Variants in NLGN1 observed in about 807,000 individuals in gnomAD.
NLGN1 encodes neuroligin 1, also known as neuroligin-1.
A neutral mutation model predicts 65.5 loss-of-function variants in NLGN1; 12 were observed. That is an observed-to-expected ratio of 0.18 (90% CI 0.12 to 0.30). The LOEUF is 0.30. NLGN1 is among the 10% of genes least tolerant of loss of function. The probability of loss-of-function intolerance (pLI) is 1.00; values close to 1 mark genes in which losing one functional copy is unlikely to be tolerated. For synonymous variants in NLGN1, 350 were observed against 359.5 expected (o/e 0.97, Z 0.30); for missense variants, 750 against 1,007.1 (o/e 0.74, Z 3.46).
intron 3 of NLGN1, among the ~76,000 whole-genome samples, chr3:173,745,467 C>CTT (rs138024712): frequency 6.6e-6 from 1 of 151,524 alleles, no homozygotes; most frequent in African/African-American, 2.4e-5. Context: ...ACATCTAAAG[C>CTT]TTTTTTTTAC....
intron 2 of NLGN1, among the ~76,000 whole-genome samples, chr3:173,527,786 G>T (rs910781115): frequency 6.6e-6 from 1 of 152,114 alleles, no homozygotes; most frequent in Non-Finnish European, 1.5e-5. Context: ...TGTTACATGG[G>T]TAGTTTCCTT....
At chr3:173,594,950 G>T (rs1749201395) in intron 2 of NLGN1, among the ~76,000 whole-genome samples, 2 of 152,116 alleles carry the variant, frequency 1.3e-5, no homozygotes, top group South Asian at 4.1e-4. Context: ...TCTGTAGATT[G>T]CACACAGCAC....
At chr3:173,408,162 ACT>A (rs1455271142) in intron 1 of NLGN1, among the ~76,000 whole-genome samples, 11 of 152,024 alleles carry the variant, frequency 7.2e-5, no homozygotes, top group Non-Finnish European at 1.2e-4. Context: ...TAGCCCAAGC[ACT>A]CTTTCCATAA....
At chr3:173,658,290 C>T (rs764259867) in intron 3 of NLGN1, among the ~76,000 whole-genome samples, 11 of 151,882 alleles carry the variant, frequency 7.2e-5, no homozygotes, top group Admixed American at 1.3e-4. Flanking sequence ...GCTGTCATAA[C>T]CTAAATTACT....
At chr3:173,714,505 AC>A (rs1283102969) in intron 3 of NLGN1, among the ~76,000 whole-genome samples, 1 of 152,170 alleles carries the variant, frequency 6.6e-6, no homozygotes, top group Non-Finnish European at 1.5e-5. Context: ...ATTGAAGAAG[AC>A]CTAAAGAGTG....
At chr3:173,904,572 A>G (rs1449565152) in intron 4 of NLGN1, among the ~76,000 whole-genome samples, 1 of 151,648 alleles carries the variant, frequency 6.6e-6, no homozygotes, top group Non-Finnish European at 1.5e-5. Context: ...AGGCCTATTG[A>G]ATGTTCCCAT....
At chr3:173,539,387 TA>T (rs1179167804) in intron 2 of NLGN1, among the ~76,000 whole-genome samples, 13 of 138,490 alleles carry the variant, frequency 9.4e-5, no homozygotes, top group African/African-American at 1.5e-4. Context: ...TGTATATATA[TA>T]AAAAACATAT....
intron 1 of NLGN1, among the ~76,000 whole-genome samples, chr3:173,412,311 GAC>G (rs71162345): frequency 0.07 from 10,298 of 147,362 alleles, 769 homozygotes; most frequent in African/African-American, 0.19. Context: ...CTCTCACTCT[GAC>G]ACACACACAC....
At position 173,593,997 on chromosome 3, in the gene NLGN1, G is replaced by A. The variant is rs971581784; in HGVS notation, c.-320-10282G>A. 5.3e-5 allele frequency among the ~76,000 whole-genome samples: 8 copies of A among 152,192 alleles called. No individual in the cohort carries two copies. The South Asian group carries it at 6.2e-4, about 12-fold the overall frequency. On this transcript the variant is annotated intron_variant, in intron 2 of 6. Coordinates refer to ENST00000457714, the Ensembl canonical transcript of NLGN1. ...AAATTATCTCCCACTGGGTCCCCCC[G>A]ACAACACGTGGGAATTATGAGAGTA...
At chr3:174,235,045 A>G (rs1286745476) in intron 4 of NLGN1, among the ~76,000 whole-genome samples, 2 of 90,426 alleles carry the variant, frequency 2.2e-5, no homozygotes, top group Admixed American at 3.2e-4. Flanking sequence ...TTCTAGTGAC[A>G]GCCAGTTTTT....
intron 4 of NLGN1, among the ~76,000 whole-genome samples, chr3:173,956,977 T>C (rs1712225230): frequency 6.6e-6 from 1 of 151,984 alleles, no homozygotes; most frequent in African/African-American, 2.4e-5. Flanking sequence ...TAAAAATGAG[T>C]TAATAACATT....
At chr3:173,993,985 G>A (rs1006782760) in intron 4 of NLGN1, among the ~76,000 whole-genome samples, 8 of 151,912 alleles carry the variant, frequency 5.3e-5, no homozygotes, top group South Asian at 2.1e-4. Flanking sequence ...ATTCTTTGTC[G>A]TCTCATATTA....
chr3:174,141,262 C>A (rs73880363), intron 4 of NLGN1, among the ~76,000 whole-genome samples: 4 of 152,002 alleles, frequency 2.6e-5, no homozygotes, highest in Admixed American at 2.6e-4. Flanking sequence ...GGATTATATC[C>A]TTCAGGAAAT....
chr3:173,599,032 C>CA (rs1750002484), intron 2 of NLGN1, among the ~76,000 whole-genome samples: 1 of 152,116 alleles, frequency 6.6e-6, no homozygotes, highest in Admixed American at 6.6e-5. Context: ...CTTCTGTGAC[C>CA]AACAGTGTTT....
At chr3:173,680,860 T>C (rs1017364671) in intron 3 of NLGN1, among the ~76,000 whole-genome samples, 1 of 152,164 alleles carries the variant, frequency 6.6e-6, no homozygotes, top group Non-Finnish European at 1.5e-5. Flanking sequence ...AAATGTACCC[T>C]TTCTGGCTCC....
At chr3:173,870,863 G>T (rs771467674) in intron 4 of NLGN1, among the ~76,000 whole-genome samples, 1 of 152,172 alleles carries the variant, frequency 6.6e-6, no homozygotes, top group Middle Eastern at 3.4e-3. Context: ...TCCAATATTT[G>T]GTCTTTGAAC....
rs554848009 is a variant in NLGN1 at position 173,858,602 on chromosome 3, A to G, written c.646+50770A>G. On this transcript the variant is annotated intron_variant, in intron 4 of 6. Transcript: ENST00000457714. ...CATGATTTCTATCCTTGCTTATCCC[A>G]TTGTAAACACACAACTTTAATATCA... is the stretch of plus-strand genomic sequence containing the variant. 6.6e-4 allele frequency among the ~76,000 whole-genome samples: 100 copies of G among 152,140 alleles called. 1 individual carries two copies. The highest frequency in any genetic ancestry group is 2.3e-3 in the African/African-American group (97 of 41,532).
intron 4 of NLGN1, among the ~76,000 whole-genome samples, chr3:174,172,650 TTC>T (rs1256947301): frequency 6.6e-6 from 1 of 152,082 alleles, no homozygotes; most frequent in Admixed American, 6.6e-5. Context: ...TATTTCTGGG[TTC>T]TCTGTTATTT....
intron 4 of NLGN1, among the ~76,000 whole-genome samples, chr3:173,878,762 T>C (rs760117705): frequency 4.0e-5 from 6 of 149,396 alleles, no homozygotes; most frequent in Non-Finnish European, 6.0e-5. Context: ...GTGTAGGTAA[T>C]AGGGATATAG....
Sources: gnomAD v4.1 joint callset for allele counts (sites outside exome capture counted in the v4.1 genomes callset) on GRCh38, gnomAD v4.1.1 for gene constraint, MANE v1.5 for transcripts, NCBI Gene and HGNC (gene_info 2026-07-23, HGNC 2026-07-21) for gene names.